OXSR1: variants seen among roughly 807,000 people sequenced by gnomAD.
OXSR1 encodes the protein oxidative stress responsive kinase 1, also known as serine/threonine-protein kinase OSR1.
In OXSR1, 24 loss-of-function variants were observed where a neutral mutation model predicts 79.8. That is an observed-to-expected ratio of 0.30 (90% CI 0.22 to 0.42). The LOEUF is 0.42. Ranked by LOEUF, OXSR1 falls within the 10% of genes least tolerant of loss-of-function variation. The pLI, the probability that OXSR1 is intolerant of heterozygous loss-of-function variation, is 1.00. For missense variants in OXSR1, 430 were observed against 618.4 expected, an observed-to-expected ratio of 0.70 and a Z score of 3.23; for synonymous variants, 226 against 209.2, an observed-to-expected ratio of 1.08 and a Z score of -0.69.
In OXSR1 at chr3:38,165,552, C is replaced by T. The variant is rs1259418256; in HGVS notation, c.-325C>T. 2.9e-6 allele frequency: 1 copy of T among 342,782 alleles called. No homozygotes were observed. The highest frequency in any genetic ancestry group is 5.3e-6 in the Non-Finnish European group (1 of 188,184). The allele number at this position is 342,782 out of a possible 1,614,324, so 21.2% of individuals were successfully genotyped here. On this transcript the variant is annotated 5_prime_UTR_variant, in exon 1 of 18. Coordinates refer to ENST00000311806, the MANE Select transcript of OXSR1 (RefSeq NM_005109.3). ...GGGAAAGTTTGGCCCGTGCGTGGGG[C>T]TGGGGTGGAGGGCGGGACAGAGGGG...
rs201455410 is a variant in OXSR1 at position 38,170,053 on chromosome 3, AT to A, written c.70+4116del. Among the ~76,000 whole-genome samples the A allele has an allele frequency of 5.3e-3, 772 of 146,940 alleles. 20 individuals carry two copies. Among genetic ancestry groups the A allele is most frequent in the Admixed American group, 0.044 (654 of 14,820 alleles). On this transcript the variant is annotated intron_variant, in intron 1 of 17. Transcript: ENST00000311806. ...AGCCTTCTTTAATTTTATTATTATTATTTTTTTTTGAGTTGGAGTCTTACTC... is the reference window on the plus strand; with the variant it reads ...AGCCTTCTTTAATTTTATTATTATTATTTTTTTTGAGTTGGAGTCTTACTC...
At chr3:38,224,503 A>C in intron 7 of OXSR1, 68 bp from the exon 8 acceptor site, 4 of 1,310,396 alleles carry the variant, frequency 3.1e-6, no homozygotes, top group Non-Finnish European at 4.2e-6. Context: ...GTATTGAAAA[A>C]TCTTGACCAC....
At chr3:38,205,077 G>T (rs1310518905) in intron 4 of OXSR1, among the ~76,000 whole-genome samples, 2 of 152,130 alleles carry the variant, frequency 1.3e-5, no homozygotes, top group Non-Finnish European at 2.9e-5. Flanking sequence ...CTGGTGTTGC[G>T]TTCTGCTGTG....
At chr3:38,248,527 G>C (rs1012375402) in intron 14 of OXSR1, among the ~76,000 whole-genome samples, 1 of 152,056 alleles carries the variant, frequency 6.6e-6, no homozygotes, top group African/African-American at 2.4e-5. Flanking sequence ...TTTTAAAAAA[G>C]AGTTCCACTG....
chr3:38,228,876 T>C (rs934398662), intron 8 of OXSR1, among the ~76,000 whole-genome samples: 8 of 152,164 alleles, frequency 5.3e-5, no homozygotes, highest in African/African-American at 1.2e-4. Context: ...CCTCTGGTCA[T>C]TGGGATTTTT....
At chr3:38,178,390 TAACA>T (rs761433138) in intron 1 of OXSR1, among the ~76,000 whole-genome samples, 5 of 152,150 alleles carry the variant, frequency 3.3e-5, no homozygotes, top group Non-Finnish European at 5.9e-5. Flanking sequence ...GATTTAAATG[TAACA>T]AACAAATTCT....
At chr3:38,232,249 A>G (rs533680208) in intron 10 of OXSR1, among the ~76,000 whole-genome samples, 1 of 151,792 alleles carries the variant, frequency 6.6e-6, no homozygotes, top group African/African-American at 2.4e-5. Context: ...GTGAGACCCC[A>G]TATCTATAAA....
At chr3:38,236,809 C>G in intron 10 of OXSR1, 30 bp from the exon 11 acceptor site, 1 of 1,572,688 alleles carries the variant, frequency 6.4e-7, no homozygotes, top group Non-Finnish European at 8.6e-7. Context: ...TGAAATACCA[C>G]CATAACCCAC....
intron 3 of OXSR1, among the ~76,000 whole-genome samples, chr3:38,192,844 G>T (rs921764363): frequency 6.6e-6 from 1 of 152,180 alleles, no homozygotes; most frequent in Non-Finnish European, 1.5e-5. Context: ...GTGCTGGTTG[G>T]TTTTTGCTTG....
intron 11 of OXSR1, among the ~76,000 whole-genome samples, chr3:38,242,275 A>G (rs539578392): frequency 6.6e-6 from 1 of 152,158 alleles, no homozygotes; most frequent in African/African-American, 2.4e-5. Context: ...AGGGTAGTAG[A>G]CTCTTTACAT....
chr3:38,223,724 ACAGG>A (rs1702635211), intron 6 of OXSR1, 84 bp from the exon 7 acceptor site: 1 of 820,702 alleles, frequency 1.2e-6, no homozygotes, highest in Non-Finnish European at 2.0e-6. Context: ...TGCTGGGATT[ACAGG>A]TGTGAGCCTC....
intron 4 of OXSR1, among the ~76,000 whole-genome samples, chr3:38,210,126 G>A (rs2125827910): frequency 6.6e-6 from 1 of 152,100 alleles, no homozygotes; most frequent in African/African-American, 2.4e-5. Flanking sequence ...TGAGATGTGG[G>A]ATGTTAATTC....
chr3:38,168,810 G>A (rs1341757331), intron 1 of OXSR1, among the ~76,000 whole-genome samples: 2 of 152,086 alleles, frequency 1.3e-5, no homozygotes, highest in African/African-American at 4.8e-5. Flanking sequence ...TTTCCATAAT[G>A]CTTTTTGAGG....
intron 1 of OXSR1, among the ~76,000 whole-genome samples, chr3:38,177,313 A>C (rs778952330): frequency 2.3e-4 from 35 of 152,224 alleles, no homozygotes; most frequent in Non-Finnish European, 4.3e-4. Context: ...AGAAATAATT[A>C]AGAGAGGATG....
At chr3:38,191,850 C>T (rs970849024) in intron 3 of OXSR1, among the ~76,000 whole-genome samples, 1 of 152,128 alleles carries the variant, frequency 6.6e-6, no homozygotes, top group African/African-American at 2.4e-5. Flanking sequence ...GTTATTTCAT[C>T]AGGGGTTGTA....
At chr3:38,209,600 C>T (rs1185089134) in intron 4 of OXSR1, among the ~76,000 whole-genome samples, 1 of 151,226 alleles carries the variant, frequency 6.6e-6, no homozygotes, top group Non-Finnish European at 1.5e-5. Flanking sequence ...CATATGATTC[C>T]ATTTCGTTTC....
chr3:38,236,830 A>G lies in OXSR1; in HGVS notation c.952-9A>G. On this transcript the variant is annotated splice_polypyrimidine_tract_variant and intron_variant, in intron 10 of 17. Coordinates refer to ENST00000311806, the MANE Select transcript of OXSR1 (RefSeq NM_005109.3). The stretch of plus-strand genomic sequence containing the variant: ...ACCACCATAACCCACTTCTCTTTCT[A>G]ATGAGCAGGTTCGGAGAGTACCAGG... 6.3e-7 allele frequency: 1 copy of G among 1,590,898 alleles called. No homozygotes were observed. The highest frequency in any genetic ancestry group is 1.1e-5 in the South Asian group (1 of 87,082).
intron 1 of OXSR1, among the ~76,000 whole-genome samples, chr3:38,182,286 G>A (rs188152968): frequency 6.6e-6 from 1 of 152,208 alleles, no homozygotes; most frequent in Admixed American, 6.5e-5. Flanking sequence ...ATTGCCGCAC[G>A]TGTGGGGTAG....
intron 4 of OXSR1, among the ~76,000 whole-genome samples, chr3:38,200,212 T>A (rs1320758808): frequency 6.6e-6 from 1 of 152,144 alleles, no homozygotes; most frequent in Admixed American, 6.5e-5. Context: ...CTATTAGATT[T>A]CTGCTGGGCT....
Sources: gnomAD v4.1 joint callset for allele counts (sites outside exome capture counted in the v4.1 genomes callset) on GRCh38, gnomAD v4.1.1 for gene constraint, MANE v1.5 for transcripts, NCBI Gene and HGNC (gene_info 2026-07-23, HGNC 2026-07-21) for gene names.